MTMR7: variants seen among roughly 807,000 people sequenced by gnomAD.
MTMR7 encodes myotubularin related protein 7.
In MTMR7, 76 loss-of-function variants were observed where a neutral mutation model predicts 81.2. That is an observed-to-expected ratio of 0.94 (90% confidence interval 0.78 to 1.13). The LOEUF (loss-of-function observed/expected upper bound fraction) is 1.13, where lower values mean the gene tolerates loss of function less well. MTMR7 is among the 50% of genes most tolerant of loss of function. The pLI is 0.00. For missense variants in MTMR7, 1,044 were observed against 820.0 expected (o/e 1.27, Z -3.34); for synonymous variants, 372 against 289.8 (o/e 1.28, Z -2.88).
At chr8:17,362,394 A>C (rs1820086907) in intron 3 of MTMR7, among the ~76,000 whole-genome samples, 2 of 152,210 alleles carry the variant, frequency 1.3e-5, no homozygotes, top group African/African-American at 4.8e-5. Flanking sequence ...TCTGATGATA[A>C]TAAAGGATAA....
At position 17,304,258 on chromosome 8, in the gene MTMR7, T is replaced by G. The variant is rs1328112649; in HGVS notation, c.1493+121A>C. ...CAGATATTCAAGCATCTCCCTCTGG[T>G]GTCTTTTGTGTCCAATAAAAGCCTC... On this transcript the variant is annotated intron_variant, in intron 12 of 13. Coordinates refer to ENST00000180173, the MANE Select transcript of MTMR7 (RefSeq NM_004686.5). The G allele has an allele frequency of 8.4e-6, 9 of 1,076,686 alleles. No homozygotes were observed. In the South Asian group the frequency reaches 1.6e-4, roughly 20 times the overall value. The allele number at this position is 1,076,686 out of a possible 1,614,324, so 66.7% of individuals were successfully genotyped here.
At chr8:17,360,689 C>T (rs1820033196) in intron 4 of MTMR7, among the ~76,000 whole-genome samples, 1 of 151,900 alleles carries the variant, frequency 6.6e-6, no homozygotes. Context: ...TCTTGGTGAC[C>T]TTGTGTACCA....
chr8:17,320,631 G>C (rs765713751), intron 7 of MTMR7, among the ~76,000 whole-genome samples: 1 of 152,230 alleles, frequency 6.6e-6, no homozygotes, highest in Non-Finnish European at 1.5e-5. Context: ...CCAATTGGAA[G>C]ACAGCACAAT....
intron 1 of MTMR7, among the ~76,000 whole-genome samples, chr8:17,378,091 A>G (rs34826184): frequency 0.089 from 13,621 of 152,216 alleles, 876 homozygotes; most frequent in Non-Finnish European, 0.14. Context: ...AGATTAGAAT[A>G]CTACCATTGA....
intron 1 of MTMR7, among the ~76,000 whole-genome samples, chr8:17,408,257 C>T (rs1477133644): frequency 8.7e-6 from 1 of 115,260 alleles, no homozygotes; most frequent in Non-Finnish European, 2.1e-5. Context: ...GGCGTAGTGG[C>T]GGGCGCCTGT....
chr8:17,318,851 T>A (rs1818238528), intron 7 of MTMR7, among the ~76,000 whole-genome samples: 1 of 152,226 alleles, frequency 6.6e-6, no homozygotes, highest in South Asian at 2.1e-4. Flanking sequence ...CAGCCCCTGC[T>A]GCAGGCCTTC....
intron 7 of MTMR7, among the ~76,000 whole-genome samples, chr8:17,322,141 C>G (rs926225604): frequency 1.3e-5 from 2 of 152,148 alleles, no homozygotes; most frequent in South Asian, 4.2e-4. Context: ...TGCCTGTTGG[C>G]TCTGTCCTCT....
chr8:17,403,284 C>A (rs1010473725), intron 1 of MTMR7, among the ~76,000 whole-genome samples: 42 of 152,084 alleles, frequency 2.8e-4, no homozygotes, highest in African/African-American at 9.2e-4. Flanking sequence ...TAGTTTCATT[C>A]TTCTGCATAT....
At chr8:17,314,962 G>A (rs1400909811) in intron 7 of MTMR7, among the ~76,000 whole-genome samples, 3 of 152,176 alleles carry the variant, frequency 2.0e-5, no homozygotes, top group African/African-American at 4.8e-5. Context: ...AAATGAGAGG[G>A]TGCTTAGTGG....
In MTMR7 at chr8:17,299,908, C is replaced by G. The variant is rs779246970; in HGVS notation, c.1937G>C (p.Ser646Thr). The part of the protein sequence containing the change: ...SGGEHAPSED[S>T]GKDRDSDEAV... ...TTCATCAGAATCCCGGTCCTTGCCA[C>G]TATCTTCACTCGGTGCATGCTCACC... Residue 646 changes from serine (S) to threonine (T), a missense_variant, in exon 14 of 14, where the codon AGT (serine) becomes ACT (threonine). Ser to Thr is a moderately conservative substitution (Grantham distance 58). Coordinates refer to ENST00000180173, the MANE Select transcript of MTMR7 (RefSeq NM_004686.5). The G allele has an allele frequency of 6.2e-7, 1 of 1,614,158 alleles. No homozygotes were observed. Among genetic ancestry groups the G allele is most frequent in the Non-Finnish European group, 8.5e-7 (1 of 1,179,998 alleles).
At chr8:17,317,996 A>G (rs572531975) in intron 7 of MTMR7, among the ~76,000 whole-genome samples, 146 of 152,206 alleles carry the variant, frequency 9.6e-4, no homozygotes, top group African/African-American at 3.5e-3. Context: ...TGGAACAGAA[A>G]CAAGAAATTC....
intron 1 of MTMR7, among the ~76,000 whole-genome samples, chr8:17,390,124 C>T (rs6587042): frequency 0.87 from 131,921 of 151,370 alleles, 57,841 homozygotes; most frequent in Non-Finnish European, 0.91. Flanking sequence ...CTTATACTGC[C>T]ATAAAGAAAT....
At chr8:17,407,302 C>G (rs1821616221) in intron 1 of MTMR7, among the ~76,000 whole-genome samples, 1 of 152,014 alleles carries the variant, frequency 6.6e-6, no homozygotes, top group Non-Finnish European at 1.5e-5. Context: ...AAGTGCTATT[C>G]TCCCCTTTAA....
intron 1 of MTMR7, among the ~76,000 whole-genome samples, chr8:17,378,935 G>A (rs1820675734): frequency 6.6e-6 from 1 of 152,136 alleles, no homozygotes; most frequent in Non-Finnish European, 1.5e-5. Flanking sequence ...ACTAAAAAAG[G>A]TTACCCAGGG....
chr8:17,332,263 CT>C (rs1231775469), intron 6 of MTMR7, among the ~76,000 whole-genome samples: 3 of 152,222 alleles, frequency 2.0e-5, no homozygotes, highest in Middle Eastern at 3.4e-3. Context: ...CACAATAGTA[CT>C]TTTTAAAAGC....
intron 1 of MTMR7, among the ~76,000 whole-genome samples, chr8:17,411,408 A>C (rs772136322): frequency 6.6e-5 from 10 of 152,142 alleles, no homozygotes; most frequent in Admixed American, 1.3e-4. Flanking sequence ...TCATACACTG[A>C]CATATTTACA....
intron 4 of MTMR7, among the ~76,000 whole-genome samples, chr8:17,360,710 C>A (rs1260352054): frequency 6.6e-6 from 1 of 152,000 alleles, no homozygotes; most frequent in Non-Finnish European, 1.5e-5. Context: ...AGCAAGGACT[C>A]AGTGAGTACA....
rs769887357 is a variant in MTMR7, at chr8:17,371,020, G to A, written c.310+17C>T. 30 of 1,599,406 alleles carry A rather than the reference G, an allele frequency of 1.9e-5. 2 individuals are homozygous for A. In the South Asian group the frequency reaches 2.0e-4, roughly 11 times the overall value. ...TAAGAGAGGTTCCATATTAAATGCC[G>A]AGTTCCTCTGCCCTACCTGGCCTTG... On this transcript the variant is annotated intron_variant, in intron 3 of 13. Transcript: ENST00000180173.
intron 1 of MTMR7, among the ~76,000 whole-genome samples, chr8:17,382,143 G>C (rs1463461788): frequency 6.6e-6 from 1 of 152,202 alleles, no homozygotes; most frequent in African/African-American, 2.4e-5. Flanking sequence ...CACGACTTTT[G>C]TGACTTACTG....
Sources: allele counts gnomAD v4.1 joint callset (sites outside exome capture counted in the v4.1 genomes callset), GRCh38; gene constraint gnomAD v4.1.1; transcripts MANE v1.5; gene names NCBI Gene and HGNC (gene_info 2026-07-23, HGNC 2026-07-21).